Variants in STXBP5L observed in about 807,000 individuals in gnomAD.
STXBP5L encodes the protein syntaxin-binding protein 5-like.
A neutral mutation model predicts 144.5 loss-of-function variants in STXBP5L; 65 were observed. The observed-to-expected ratio is 0.45, with a 90% CI of 0.37 to 0.55. The LOEUF is 0.55. Ranked by LOEUF, STXBP5L falls within the 20% of genes least tolerant of loss-of-function variation. The pLI, the probability that STXBP5L is intolerant of heterozygous loss-of-function variation, is 0.00. For missense variants in STXBP5L, 1,298 were observed against 1,405.5 expected (o/e 0.92, Z 1.22); for synonymous variants, 505 against 469.6 (o/e 1.08, Z -0.97).
At chr3:121,205,532 T>G (rs1457408895) in intron 9 of STXBP5L, among the ~76,000 whole-genome samples, 1 of 152,208 alleles carries the variant, frequency 6.6e-6, no homozygotes. Flanking sequence ...GGGGGACACA[T>G]TCAAACCATA....
At chr3:120,926,597 A>G (rs975648427) in intron 2 of STXBP5L, among the ~76,000 whole-genome samples, 8 of 151,920 alleles carry the variant, frequency 5.3e-5, no homozygotes, top group Non-Finnish European at 1.0e-4. Context: ...CTAGTTTTAG[A>G]AAGTTTTCTG....
At chr3:120,948,048 T>C (rs1423670020) in intron 2 of STXBP5L, among the ~76,000 whole-genome samples, 4 of 151,810 alleles carry the variant, frequency 2.6e-5, no homozygotes, top group African/African-American at 9.7e-5. Context: ...AGAGCCTGCA[T>C]TATTTTACAT....
At chr3:121,009,428 A>G (rs1201254177) in intron 3 of STXBP5L, among the ~76,000 whole-genome samples, 3 of 151,950 alleles carry the variant, frequency 2.0e-5, no homozygotes, top group African/African-American at 7.2e-5. Flanking sequence ...TGTCCATACC[A>G]AGTTTATGAC....
rs539258987 is a variant in STXBP5L, at chr3:121,048,939, C to T, written c.470+3404C>T. Among the ~76,000 whole-genome samples, 9 of 152,206 alleles carry T rather than the reference C, an allele frequency of 5.9e-5. No homozygotes were observed. The South Asian group carries it at 1.0e-3, about 18-fold the overall frequency. ...GCTGTGTTGTGCTAGAGGTTTGTAT[C>T]GGTCCCCAACCACTATATGTCCTCT... On this transcript the variant is annotated intron_variant, in intron 5 of 26. Coordinates refer to ENST00000471454, the MANE Select transcript of STXBP5L (RefSeq NM_001308330.2).
intron 7 of STXBP5L, among the ~76,000 whole-genome samples, chr3:121,121,920 T>TA (rs1265550494): frequency 6.6e-6 from 1 of 151,052 alleles, no homozygotes; most frequent in Non-Finnish European, 1.5e-5. Context: ...TACTGAGAGA[T>TA]AAAATCGGTA....
chr3:121,329,056 TTATATA>T (rs919409879), intron 20 of STXBP5L, among the ~76,000 whole-genome samples: 2 of 151,944 alleles, frequency 1.3e-5, no homozygotes, highest in African/African-American at 4.8e-5. Context: ...TGTATATATA[TTATATA>T]TATAATGTAC....
chr3:121,250,237 A>G (rs559057304), intron 14 of STXBP5L, among the ~76,000 whole-genome samples: 3 of 151,806 alleles, frequency 2.0e-5, no homozygotes, highest in South Asian at 2.1e-4. Context: ...ATCTTCTTCT[A>G]TTTTCTCGAT....
intron 5 of STXBP5L, among the ~76,000 whole-genome samples, chr3:121,094,658 A>G (rs2043017894): frequency 6.6e-6 from 1 of 152,104 alleles, no homozygotes; most frequent in East Asian, 1.9e-4. Flanking sequence ...TTTTGAGCCT[A>G]TGTGTGTCTC....
At chr3:121,109,000 T>G (rs1173169702) in intron 5 of STXBP5L, among the ~76,000 whole-genome samples, 1 of 152,162 alleles carries the variant, frequency 6.6e-6, no homozygotes, top group Non-Finnish European at 1.5e-5. Context: ...TTTATTTGCA[T>G]AGTATGCAAA....
rs200186528 is a variant in STXBP5L at position 121,381,317 on chromosome 3, G to C, written c.2372G>C (p.Arg791Pro). 8.2e-6 allele frequency: 13 copies of C among 1,580,628 alleles called. No individual in the cohort carries two copies. The Middle Eastern group carries it at 5.0e-4, about 61-fold the overall frequency. ...GAAAACCGAGAAAATTCCTATAATC[G>C]TTCTAGAAGCTCTAGTATCTCCAGT... ...TEENRENSYN[R>P]SRSSSISSID... Residue 791 changes from arginine (R) to proline (P), a missense_variant, in exon 22 of 27, where the codon CGT becomes CCT. Physicochemically the swap from Arg to Pro is moderately radical, Grantham distance 103. Coordinates refer to ENST00000471454, the MANE Select transcript of STXBP5L (RefSeq NM_001308330.2).
At chr3:121,372,453 T>A (rs780220655) in intron 20 of STXBP5L, among the ~76,000 whole-genome samples, 4 of 152,160 alleles carry the variant, frequency 2.6e-5, no homozygotes, top group Non-Finnish European at 4.4e-5. Context: ...TTCTCTCTTC[T>A]CTAAGCAGCT....
Position 121,157,542 on chromosome 3 carries a change from G to C in STXBP5L, c.792G>C (p.Gln264His). The C allele has an allele frequency of 6.2e-7, 1 of 1,600,902 alleles. No individual in the cohort carries two copies. The highest frequency in any genetic ancestry group is 8.5e-7 in the Non-Finnish European group (1 of 1,175,060). Residue 264 changes from glutamine to histidine, a missense_variant, in exon 9 of 27, where the codon CAG becomes CAC. Transcript: ENST00000471454. ...TTGATTGGCATCATGAGGGCAAACA[G>C]TTCATGTGCAGCCATTCAGATGGTA... is the stretch of plus-strand genomic sequence containing the variant. ...HSIDWHHEGK[Q>H]FMCSHSDGSL...
At chr3:121,051,151 C>T (rs947329269) in intron 5 of STXBP5L, among the ~76,000 whole-genome samples, 1 of 152,144 alleles carries the variant, frequency 6.6e-6, no homozygotes, top group African/African-American at 2.4e-5. Flanking sequence ...CTTTAACACC[C>T]CACTGTCAAC....
At chr3:121,300,937 T>A (rs1291591903) in intron 19 of STXBP5L, among the ~76,000 whole-genome samples, 1 of 152,170 alleles carries the variant, frequency 6.6e-6, no homozygotes. Flanking sequence ...CATAAATAGG[T>A]TGATTACTGT....
chr3:121,381,493 G>C lies in STXBP5L; in HGVS notation c.2548G>C (p.Glu850Gln). The C allele has an allele frequency of 1.3e-6, 2 of 1,594,660 alleles. No homozygotes were observed. The highest frequency in any genetic ancestry group is 1.7e-6 in the Non-Finnish European group (2 of 1,174,652). The change falls in exon 22 of 27, where the codon GAA (glutamate) becomes CAA (glutamine). Residue 850 changes from glutamate (E) to glutamine (Q), a missense_variant. Coordinates refer to ENST00000471454, the MANE Select transcript of STXBP5L (RefSeq NM_001308330.2). ...IISLNLPLAD[E>Q]QRFTEPVMVL... ...CTCCTTAAACCTACCATTAGCAGAT[G>C]AACAAAGGTTTACAGAGCCAGTCAT...
intron 5 of STXBP5L, among the ~76,000 whole-genome samples, chr3:121,092,115 G>C (rs535102228): frequency 6.6e-6 from 1 of 152,020 alleles, no homozygotes; most frequent in African/African-American, 2.4e-5. Flanking sequence ...TGAGGGCTCT[G>C]TTCTATTGGT....
At chr3:121,289,445 A>G (rs2051347244) in intron 19 of STXBP5L, among the ~76,000 whole-genome samples, 1 of 152,186 alleles carries the variant, frequency 6.6e-6, no homozygotes, top group Admixed American at 6.5e-5. Context: ...CAACAACACA[A>G]TAATAGTGCA....
chr3:121,416,025 T>C (rs1322526897), intron 25 of STXBP5L, 57 bp downstream of exon 25: 1 of 1,273,468 alleles, frequency 7.9e-7, no homozygotes, highest in Non-Finnish European at 1.1e-6. Context: ...TTTCTGTGTA[T>C]GTGTATTTGT....
At chr3:121,402,387 C>T (rs965372702) in intron 22 of STXBP5L, among the ~76,000 whole-genome samples, 2 of 152,170 alleles carry the variant, frequency 1.3e-5, no homozygotes, top group African/African-American at 4.8e-5. Context: ...AAGACTCCAA[C>T]TTTAATATAA....
Sources: allele counts gnomAD v4.1 joint callset (sites outside exome capture counted in the v4.1 genomes callset), GRCh38; gene constraint gnomAD v4.1.1; transcripts MANE v1.5; gene names NCBI Gene and HGNC (gene_info 2026-07-23, HGNC 2026-07-21).